Variants in CRISPLD2 observed in about 807,000 individuals in gnomAD.
CRISPLD2 encodes cysteine rich secretory protein LCCL domain containing 2, also known as cysteine-rich secretory protein LCCL domain-containing 2.
In CRISPLD2, 47 loss-of-function variants were observed where a neutral mutation model predicts 71.1. That is an observed-to-expected ratio of 0.66 (90% CI 0.52 to 0.84). The LOEUF is 0.84. CRISPLD2 is among the 40% of genes least tolerant of loss of function. The pLI is 0.00. For synonymous variants in CRISPLD2, 317 were observed against 250.1 expected (o/e 1.27, Z -2.52); for missense variants, 830 against 651.1 (o/e 1.27, Z -2.99).
In CRISPLD2 at chr16:84,878,006, C is replaced by G. The variant is rs561305494; in HGVS notation, c.1229+496C>G. Among the ~76,000 whole-genome samples the G allele has an allele frequency of 7.6e-4, 111 of 146,958 alleles. 1 individual carries two copies. Among genetic ancestry groups the G allele is most frequent in the African/African-American group, 2.8e-3 (108 of 38,834 alleles). On this transcript the variant is annotated intron_variant, in intron 12 of 14. Transcript: ENST00000262424. Reference sequence around the variant, plus strand: ...CAGGCGGATCACGAGGTCAGGAGATCGAGACCATCCTGGCTAACACGGTGA... The same window carrying G: ...CAGGCGGATCACGAGGTCAGGAGATGGAGACCATCCTGGCTAACACGGTGA...
At chr16:84,824,711 G>C (rs888654406) in intron 1 of CRISPLD2, among the ~76,000 whole-genome samples, 1 of 152,176 alleles carries the variant, frequency 6.6e-6, no homozygotes, top group African/African-American at 2.4e-5. Flanking sequence ...GTCTGTTCAC[G>C]GCACCAGTGA....
At chr16:84,848,719 G>A (rs1916985796) in intron 3 of CRISPLD2, among the ~76,000 whole-genome samples, 1 of 152,228 alleles carries the variant, frequency 6.6e-6, no homozygotes, top group Non-Finnish European at 1.5e-5. Flanking sequence ...GGGATGACAG[G>A]CATGAGCCAC....
At chr16:84,891,262 C>T (rs909530895) in intron 14 of CRISPLD2, among the ~76,000 whole-genome samples, 7 of 152,354 alleles carry the variant, frequency 4.6e-5, no homozygotes, top group African/African-American at 1.7e-4. Context: ...GGCCCCTGGA[C>T]GCTCAGGCCT....
intron 7 of CRISPLD2, 52 bp from the exon 8 acceptor site, chr16:84,868,799 C>G: frequency 6.9e-7 from 1 of 1,451,620 alleles, no homozygotes; most frequent in Non-Finnish European, 9.7e-7. Context: ...GAAGGGTCTT[C>G]TCACCCTCCT....
At position 84,905,758 on chromosome 16, in the gene CRISPLD2, G is replaced by A. The variant is rs762036843; in HGVS notation, c.1440-830G>A. 3.4e-5 allele frequency among the ~76,000 whole-genome samples: 5 copies of A among 148,902 alleles called. No individual in the cohort carries two copies. The South Asian group carries it at 1.1e-3, about 32-fold the overall frequency. ...AAGTCTTACTCTTGTCCCCCAGGCTGGAGTGCAATGCCTTGATCTTGGCTC... is the reference window on the plus strand; with the variant it reads ...AAGTCTTACTCTTGTCCCCCAGGCTAGAGTGCAATGCCTTGATCTTGGCTC... On this transcript the variant is annotated intron_variant, in intron 14 of 14. Coordinates refer to ENST00000262424, the MANE Select transcript of CRISPLD2 (RefSeq NM_031476.4).
intron 1 of CRISPLD2, among the ~76,000 whole-genome samples, chr16:84,827,467 C>T (rs943946692): frequency 2.0e-5 from 3 of 152,100 alleles, no homozygotes; most frequent in Non-Finnish European, 4.4e-5. Flanking sequence ...GCTTCATGGG[C>T]TTTTCGCCTG....
intron 6 of CRISPLD2, among the ~76,000 whole-genome samples, chr16:84,861,269 T>A (rs991293475): frequency 6.6e-6 from 1 of 152,144 alleles, no homozygotes; most frequent in Non-Finnish European, 1.5e-5. Flanking sequence ...CTAGAACCAC[T>A]CCTGGTACCA....
chr16:84,885,189 G>A (rs919028619), intron 13 of CRISPLD2, among the ~76,000 whole-genome samples: 1 of 152,196 alleles, frequency 6.6e-6, no homozygotes, highest in Non-Finnish European at 1.5e-5. Context: ...GTGTGAGAAC[G>A]TATCCAAGCA....
At chr16:84,853,513 C>T (rs770876277) in intron 5 of CRISPLD2, among the ~76,000 whole-genome samples, 9 of 152,222 alleles carry the variant, frequency 5.9e-5, no homozygotes, top group Non-Finnish European at 1.2e-4. Context: ...CCACACTGCA[C>T]GGCCCACTGT....
Position 84,866,917 on chromosome 16 carries a change from C to G in CRISPLD2, c.730C>G (p.Pro244Ala), listed in dbSNP as rs767391580. The G allele has an allele frequency of 6.2e-7, 1 of 1,614,126 alleles. No homozygotes were observed. The highest frequency in any genetic ancestry group is 8.5e-7 in the Non-Finnish European group (1 of 1,180,008). The change falls in exon 7 of 15, where the codon CCT (proline) becomes GCT (alanine). Residue 244 changes from proline to alanine, a missense_variant. Physicochemically the swap from Pro to Ala is conservative, Grantham distance 27 (BLOSUM62 -1). Transcript: ENST00000262424. ...CYREETYTPK[P>A]ETDEMNEVET... is the part of the protein sequence containing the mutation. ...TTAAGAAGAAACCTACACTCCAAAA[C>G]CTGAAACGGACGAGATGAATGAGGT...
rs2143116557 is a variant in CRISPLD2, at chr16:84,820,121, G to C, written c.-87G>C. 2.0e-5 allele frequency: 3 copies of C among 152,420 alleles called. No homozygotes were observed. Among genetic ancestry groups the C allele is most frequent in the Admixed American group, 2.0e-4 (3 of 15,308 alleles). 9.4% of individuals were successfully genotyped at this position (152,420 alleles called of 1,614,324 possible). On this transcript the variant is annotated 5_prime_UTR_variant, in exon 1 of 15. Transcript: ENST00000262424. The stretch of plus-strand genomic sequence containing the variant: ...GGAGACGCCAGCGAGCTGGTGATTG[G>C]AGCCCTGCGGAGGTAAGTGTGATTT...
intron 14 of CRISPLD2, among the ~76,000 whole-genome samples, chr16:84,903,166 A>C (rs1244406310): frequency 3.3e-5 from 5 of 152,074 alleles, no homozygotes; most frequent in Non-Finnish European, 7.4e-5. Context: ...GCCCAGTCCA[A>C]AACAATGGCC....
chr16:84,827,353 C>G (rs1042852710), intron 1 of CRISPLD2, among the ~76,000 whole-genome samples: 1 of 152,084 alleles, frequency 6.6e-6, no homozygotes, highest in Admixed American at 6.5e-5. Flanking sequence ...TTCCCTCCCT[C>G]GAGGGCCCTC....
At chr16:84,894,051 G>T (rs533566970) in intron 14 of CRISPLD2, among the ~76,000 whole-genome samples, 79 of 152,280 alleles carry the variant, frequency 5.2e-4, no homozygotes, top group African/African-American at 1.8e-3. Flanking sequence ...TCAGCACACG[G>T]GGCCGAAGGT....
At chr16:84,899,801 G>A (rs1050006585) in intron 14 of CRISPLD2, among the ~76,000 whole-genome samples, 1 of 152,128 alleles carries the variant, frequency 6.6e-6, no homozygotes, top group African/African-American at 2.4e-5. Flanking sequence ...TCCCTTGGTT[G>A]TTTGGGGCCC....
At chr16:84,897,450 G>C (rs1373767758) in intron 14 of CRISPLD2, among the ~76,000 whole-genome samples, 2 of 152,098 alleles carry the variant, frequency 1.3e-5, no homozygotes, top group African/African-American at 4.8e-5. Flanking sequence ...GCAAGACCGT[G>C]TCTCAAAAAG....
chr16:84,893,554 C>T lies in CRISPLD2; in HGVS notation c.1439+4191C>T, dbSNP rs142741049. On this transcript the variant is annotated intron_variant, in intron 14 of 14. Transcript: ENST00000262424. ...CCACAGGGAGCACAACAGCAGACCT[C>T]TGCCGTCATGGGATTTGCCATCTAG... Among the ~76,000 whole-genome samples, 639 of 152,378 alleles carry T rather than the reference C, an allele frequency of 4.2e-3. 9 individuals carry two copies. The highest frequency in any genetic ancestry group is 0.015 in the African/African-American group (612 of 41,580).
intron 2 of CRISPLD2, among the ~76,000 whole-genome samples, chr16:84,845,233 C>T (rs12447888): frequency 0.34 from 52,409 of 151,994 alleles, 9,281 homozygotes; most frequent in South Asian, 0.42. Flanking sequence ...GATAAGGGCC[C>T]GCTTCGGAGC....
chr16:84,900,529 CACACA>C (rs1478624554), intron 14 of CRISPLD2, among the ~76,000 whole-genome samples: 398 of 7,592 alleles, frequency 0.052, 1 homozygote, highest in African/African-American at 0.25. Context: ...AGCAAGACAT[CACACA>C]GCGCTGGGAG....
Sources: allele counts gnomAD v4.1 joint callset (sites outside exome capture counted in the v4.1 genomes callset), GRCh38; gene constraint gnomAD v4.1.1; transcripts MANE v1.5; gene names NCBI Gene and HGNC (gene_info 2026-07-23, HGNC 2026-07-21).